Variants in SHISA6 observed in about 807,000 individuals in gnomAD.
The protein encoded by SHISA6 is protein shisa-6.
SHISA6 carries 22 observed loss-of-function variants against 47.9 expected under a neutral mutation model. The observed-to-expected ratio is 0.46, with a 90% confidence interval of 0.33 to 0.66. The LOEUF (loss-of-function observed/expected upper bound fraction) is 0.66, where lower values mean the gene tolerates loss of function less well. SHISA6 is among the 30% of genes least tolerant of loss of function. The probability of loss-of-function intolerance (pLI) is 0.02; values close to 1 mark genes in which losing one functional copy is unlikely to be tolerated. For synonymous variants in SHISA6, 388 were observed against 337.8 expected (o/e 1.15, Z -1.63); for missense variants, 680 against 764.6 (o/e 0.89, Z 1.30).
intron 3 of SHISA6, among the ~76,000 whole-genome samples, chr17:11,534,676 T>G (rs928618734): frequency 2.0e-5 from 3 of 152,000 alleles, no homozygotes; most frequent in Admixed American, 6.6e-5. Flanking sequence ...GGATAAGGTG[T>G]TGTTTTAGAG....
At chr17:11,301,710 C>A (rs1013144133) in intron 2 of SHISA6, among the ~76,000 whole-genome samples, 2 of 152,134 alleles carry the variant, frequency 1.3e-5, no homozygotes, top group Non-Finnish European at 2.9e-5. Context: ...CTTGTGGATC[C>A]CCAAGTCAAT....
intron 3 of SHISA6, among the ~76,000 whole-genome samples, chr17:11,537,839 A>G (rs1169972904): frequency 6.6e-6 from 1 of 152,252 alleles, no homozygotes; most frequent in Admixed American, 6.5e-5. Flanking sequence ...AGAAACATTC[A>G]ATGTATAAAT....
At chr17:11,313,479 T>C (rs925217268) in intron 2 of SHISA6, among the ~76,000 whole-genome samples, 66 of 152,194 alleles carry the variant, frequency 4.3e-4, no homozygotes, top group African/African-American at 1.6e-3. Context: ...GTAAAGGTAT[T>C]CTAGGGACAT....
At chr17:11,400,600 A>G (rs1298801938) in intron 3 of SHISA6, among the ~76,000 whole-genome samples, 3 of 152,092 alleles carry the variant, frequency 2.0e-5, no homozygotes, top group Non-Finnish European at 2.9e-5. Context: ...CCCTTTGACA[A>G]CTGTCTATTG....
chr17:11,515,157 A>G (rs962103927), intron 3 of SHISA6, among the ~76,000 whole-genome samples: 21 of 151,382 alleles, frequency 1.4e-4, no homozygotes, highest in Non-Finnish European at 2.9e-5. Context: ...GGGTGACAAT[A>G]CCAGAAGAAC....
At chr17:11,307,073 A>G (rs1307485772) in intron 2 of SHISA6, among the ~76,000 whole-genome samples, 1 of 151,892 alleles carries the variant, frequency 6.6e-6, no homozygotes, top group Admixed American at 6.6e-5. Flanking sequence ...TATTTCTTCT[A>G]TATCTCTTTG....
chr17:11,319,727 G>A (rs9900303), intron 2 of SHISA6, among the ~76,000 whole-genome samples: 111,434 of 151,650 alleles, frequency 0.73, 41,098 homozygotes, highest in Middle Eastern at 0.77. Context: ...TATAAACACT[G>A]TTCAAAATGT....
chr17:11,345,840 A>G (rs1446866820), intron 2 of SHISA6, among the ~76,000 whole-genome samples: 1 of 152,112 alleles, frequency 6.6e-6, no homozygotes, highest in East Asian at 1.9e-4. Context: ...ATCATTTACT[A>G]GTTCTAGTAG....
chr17:11,461,102 C>A (rs867631408), intron 3 of SHISA6, among the ~76,000 whole-genome samples: 66 of 152,260 alleles, frequency 4.3e-4, no homozygotes, highest in African/African-American at 1.5e-3. Flanking sequence ...ATATAAATAT[C>A]ATCCTTTGAT....
At chr17:11,280,878 T>G (rs2142160775) in intron 2 of SHISA6, among the ~76,000 whole-genome samples, 1 of 152,342 alleles carries the variant, frequency 6.6e-6, no homozygotes, top group Middle Eastern at 3.4e-3. Context: ...CAGGATTTGT[T>G]CAAAGGGAAT....
At chr17:11,288,902 G>A (rs776212402) in intron 2 of SHISA6, 3 of 152,136 alleles carry the variant, frequency 2.0e-5, no homozygotes, top group Non-Finnish European at 4.4e-5. Flanking sequence ...TGGTATCAGT[G>A]TCTCACTTCT....
chr17:11,422,449 G>A (rs1038548428), intron 3 of SHISA6, among the ~76,000 whole-genome samples: 2 of 152,154 alleles, frequency 1.3e-5, no homozygotes, highest in Admixed American at 6.5e-5. Flanking sequence ...CATTCCCCCT[G>A]TACCTACAAG....
intron 3 of SHISA6, among the ~76,000 whole-genome samples, chr17:11,515,192 G>A (rs1370580952): frequency 6.6e-6 from 1 of 150,474 alleles, no homozygotes; most frequent in Non-Finnish European, 1.5e-5. Context: ...CCATATAGCT[G>A]GGATTGCACA....
At chr17:11,534,674 T>TGTTG (rs1221798178) in intron 3 of SHISA6, among the ~76,000 whole-genome samples, 1 of 151,850 alleles carries the variant, frequency 6.6e-6, no homozygotes, top group African/African-American at 2.4e-5. Context: ...ATGGATAAGG[T>TGTTG]GTTGTTTTAG....
At chr17:11,277,605 T>C (rs34688504) in intron 2 of SHISA6, among the ~76,000 whole-genome samples, 37,988 of 152,114 alleles carry the variant, frequency 0.25, 5,218 homozygotes, top group South Asian at 0.37. Flanking sequence ...TATAATTATG[T>C]ATGCTCACAA....
chr17:11,289,918 T>G (rs141691514), intron 2 of SHISA6: 2 of 149,862 alleles, frequency 1.3e-5, no homozygotes, highest in Non-Finnish European at 3.0e-5. Context: ...TTATTTTAAT[T>G]TATTATTTCC....
chr17:11,265,337 T>G (rs1908386520), intron 2 of SHISA6, among the ~76,000 whole-genome samples: 1 of 152,180 alleles, frequency 6.6e-6, no homozygotes, highest in South Asian at 2.1e-4. Flanking sequence ...TGGCTGCACA[T>G]TGGAATCAAC....
chr17:11,480,338 G>A (rs1305609076), intron 3 of SHISA6, among the ~76,000 whole-genome samples: 1 of 152,062 alleles, frequency 6.6e-6, no homozygotes, highest in Non-Finnish European at 1.5e-5. Flanking sequence ...TTAATTTGGG[G>A]AACCTATCAT....
chr17:11,327,081 C>T (rs557906460), intron 2 of SHISA6, among the ~76,000 whole-genome samples: 1 of 152,116 alleles, frequency 6.6e-6, no homozygotes, highest in Non-Finnish European at 1.5e-5. Flanking sequence ...GGGAACCATC[C>T]GATAGAGACT....
Sources: allele counts gnomAD v4.1 joint callset (sites outside exome capture counted in the v4.1 genomes callset), GRCh38; gene constraint gnomAD v4.1.1; transcripts MANE v1.5; gene names NCBI Gene and HGNC (gene_info 2026-07-23, HGNC 2026-07-21).